KIF13B: variants seen among roughly 807,000 people sequenced by gnomAD.
KIF13B encodes the protein kinesin-like protein KIF13B.
A neutral mutation model predicts 222.0 loss-of-function variants in KIF13B; 127 were observed. The observed-to-expected ratio is 0.57, with a 90% confidence interval of 0.50 to 0.66. KIF13B has a LOEUF of 0.66. Among genes scored for constraint, KIF13B ranks in the 30% least tolerant of loss-of-function variants. The pLI is 0.00. For missense variants in KIF13B, 2,173 were observed against 2,379.0 expected (o/e 0.91, Z 1.80); for synonymous variants, 976 against 919.0 (o/e 1.06, Z -1.12).
intron 3 of KIF13B, among the ~76,000 whole-genome samples, chr8:29,191,845 G>C (rs1243054134): frequency 2.0e-5 from 3 of 152,180 alleles, no homozygotes; most frequent in Non-Finnish European, 4.4e-5. Flanking sequence ...CTGTCAGTTT[G>C]AAATCTACTT....
chr8:29,116,991 G>C lies in KIF13B; in HGVS notation c.3677C>G (p.Ser1226Cys). ...QHDGEVKAEA[S>C]WDSAVHGCPQ... ...GCAGCCATGCACCGCGGAGTCCCAG[G>C]AGGCTTCTGCTTTCACCTGGAGAGA... Residue 1226 changes from serine (S) to cysteine (C), a missense_variant, in exon 31 of 40, where the codon TCC (serine) becomes TGC (cysteine). Coordinates refer to ENST00000524189, the MANE Select transcript of KIF13B (RefSeq NM_015254.4). The C allele has an allele frequency of 6.3e-7, 1 of 1,586,856 alleles. No homozygotes were observed. The highest frequency in any genetic ancestry group is 8.6e-7 in the Non-Finnish European group (1 of 1,161,550).
At position 29,182,018 on chromosome 8, in the gene KIF13B, A is replaced by T. The variant is rs1432335551; in HGVS notation, c.498-12T>A. On this transcript the variant is annotated splice_polypyrimidine_tract_variant and intron_variant, in intron 6 of 39. Coordinates refer to ENST00000524189, the MANE Select transcript of KIF13B (RefSeq NM_015254.4). The stretch of plus-strand genomic sequence containing the variant: ...ACGTCTGACGGCTTCTGTTCATGAA[A>T]AACAAAGAAATGATTTTTTAACAAT... 1 of 1,606,612 alleles carries T rather than the reference A, an allele frequency of 6.2e-7. No homozygotes were observed. Among genetic ancestry groups the T allele is most frequent in the East Asian group, 2.2e-5 (1 of 44,810 alleles).
chr8:29,258,376 G>A (rs1816562198), intron 1 of KIF13B, among the ~76,000 whole-genome samples: 1 of 152,202 alleles, frequency 6.6e-6, no homozygotes, highest in South Asian at 2.1e-4. Flanking sequence ...ATCTACTGAA[G>A]CTTCCAATCT....
In KIF13B at chr8:29,130,615, T is replaced by C; in HGVS notation, c.2993A>G (p.Gln998Arg). 6.2e-7 allele frequency: 1 copy of C among 1,613,868 alleles called. No homozygotes were observed. The highest frequency in any genetic ancestry group is 8.5e-7 in the Non-Finnish European group (1 of 1,179,756). ...AGGGCAGTATTCACCATTCTCATTC[T>C]GTTCCAAGATTTGAACCCAGAATTC... ...KLEFWVQILEQNENGEYCPVE... is the reference protein window; with the variant it reads ...KLEFWVQILERNENGEYCPVE... Residue 998 changes from glutamine (Q) to arginine (R), a missense_variant, in exon 24 of 40, where the codon CAG (glutamine) becomes CGG (arginine). Physicochemically the swap from Gln to Arg is conservative, Grantham distance 43. Around this residue, in one of 2 missense-constraint regions of KIF13B, gnomAD observed 1,480 missense variants for 1,722.8 expected, o/e 0.86. Transcript: ENST00000524189.
Position 29,241,057 on chromosome 8 carries a change from C to T in KIF13B, c.149+4289G>A, listed in dbSNP as rs1397169825. On this transcript the variant is annotated intron_variant, in intron 2 of 39. Transcript: ENST00000524189. ...CAAAAGAGTAGAAACAATCCAAATG[C>T]CCATCAACTGATGAATGGATAAACA... 2.6e-5 allele frequency among the ~76,000 whole-genome samples: 4 copies of T among 152,224 alleles called. No individual in the cohort carries two copies. The East Asian group carries it at 7.7e-4, about 29-fold the overall frequency.
Position 29,108,350 on chromosome 8 carries a change from A to G in KIF13B, c.4162-158T>C, listed in dbSNP as rs201548439. ...AGGCTGCACACTAGTGGTCTTTGGG[A>G]CATTACAAACATTGAATTGGTTATG... On this transcript the variant is annotated intron_variant, in intron 34 of 39. Transcript: ENST00000524189. Among the ~76,000 whole-genome samples, 13 of 152,368 alleles carry G rather than the reference A, an allele frequency of 8.5e-5. No homozygotes were observed. The East Asian group carries it at 2.5e-3, about 29-fold the overall frequency.
intron 16 of KIF13B, among the ~76,000 whole-genome samples, chr8:29,147,920 G>C (rs553312827): frequency 2.0e-5 from 3 of 152,184 alleles, no homozygotes; most frequent in African/African-American, 7.2e-5. Flanking sequence ...AAATTTGACC[G>C]GGCACAGTGG....
At chr8:29,073,522 C>T (rs569630681) in intron 38 of KIF13B, among the ~76,000 whole-genome samples, 2 of 151,984 alleles carry the variant, frequency 1.3e-5, no homozygotes, top group Admixed American at 6.5e-5. Context: ...TCACAGTGAC[C>T]GAAGAAAAGG....
At chr8:29,119,648 G>T (rs1586804586) in intron 29 of KIF13B, among the ~76,000 whole-genome samples, 1 of 152,196 alleles carries the variant, frequency 6.6e-6, no homozygotes, top group East Asian at 1.9e-4. Context: ...ATGCCTGCCT[G>T]CACCCAAATA....
At chr8:29,087,194 T>C (rs929124156) in intron 37 of KIF13B, among the ~76,000 whole-genome samples, 3 of 152,126 alleles carry the variant, frequency 2.0e-5, no homozygotes, top group Admixed American at 2.0e-4. Flanking sequence ...GGGAGAAGTG[T>C]GGAGTGGAGA....
intron 19 of KIF13B, among the ~76,000 whole-genome samples, chr8:29,141,341 A>T (rs960489153): frequency 4.6e-5 from 7 of 151,842 alleles, no homozygotes; most frequent in Non-Finnish European, 1.5e-5. Flanking sequence ...CTAAAAAAAA[A>T]AAAAGGTGAG....
chr8:29,119,793 GCAAA>G (rs964804674), intron 29 of KIF13B, among the ~76,000 whole-genome samples: 5 of 152,064 alleles, frequency 3.3e-5, no homozygotes, highest in African/African-American at 4.8e-5. Flanking sequence ...ACCCCATCAA[GCAAA>G]CAGACAGTGG....
At chr8:29,245,318 T>C (rs757423867) in intron 2 of KIF13B, 28 bp downstream of exon 2, 65 of 1,478,386 alleles carry the variant, frequency 4.4e-5, no homozygotes, top group Non-Finnish European at 5.8e-5. Context: ...TAAACATCCA[T>C]TGAGCACAGC....
intron 21 of KIF13B, among the ~76,000 whole-genome samples, chr8:29,136,645 T>C (rs900962070): frequency 3.3e-5 from 5 of 151,872 alleles, no homozygotes; most frequent in African/African-American, 9.7e-5. Flanking sequence ...CTTATCAGCT[T>C]GTGTGCTGGC....
rs545205903 is a variant in KIF13B at position 29,198,038 on chromosome 8, C to G, written c.150-1839G>C. 1.7e-3 allele frequency among the ~76,000 whole-genome samples: 261 copies of G among 152,268 alleles called. 2 individuals are homozygous for G. The highest frequency in any genetic ancestry group is 5.9e-3 in the African/African-American group (244 of 41,558). On this transcript the variant is annotated intron_variant, in intron 2 of 39. Transcript: ENST00000524189. Reference sequence around the variant, plus strand: ...CGACCATCTCTTTGTTGCTTTGTCTCCTGAGATTTTCTTCTAAAAGAAATT... The same window carrying G: ...CGACCATCTCTTTGTTGCTTTGTCTGCTGAGATTTTCTTCTAAAAGAAATT...
At chr8:29,111,642 A>T (rs527792769) in intron 32 of KIF13B, among the ~76,000 whole-genome samples, 99 of 152,338 alleles carry the variant, frequency 6.5e-4, no homozygotes, top group African/African-American at 2.3e-3. Context: ...TCGCCTGGAG[A>T]ATAAAAGCAC....
At chr8:29,221,457 C>G (rs1006582605) in intron 2 of KIF13B, among the ~76,000 whole-genome samples, 37 of 148,748 alleles carry the variant, frequency 2.5e-4, no homozygotes, top group African/African-American at 8.7e-4. Context: ...AGAGTGAGAC[C>G]CTGTATTTAA....
intron 12 of KIF13B, among the ~76,000 whole-genome samples, chr8:29,165,151 A>C (rs1319737698): frequency 6.6e-6 from 1 of 152,174 alleles, no homozygotes; most frequent in Non-Finnish European, 1.5e-5. Flanking sequence ...CCCAGCCACC[A>C]CCCTACGATT....
chr8:29,097,618 T>G (rs1351047642), intron 36 of KIF13B, among the ~76,000 whole-genome samples: 1 of 152,154 alleles, frequency 6.6e-6, no homozygotes, highest in Non-Finnish European at 1.5e-5. Flanking sequence ...TGCTAGTTGA[T>G]AAGTCATGGA....
Sources: gnomAD v4.1 joint callset for allele counts (sites outside exome capture counted in the v4.1 genomes callset) on GRCh38, gnomAD v4.1.1 for gene constraint, gnomAD v4.1.1 regional missense constraint, MANE v1.5 for transcripts, NCBI Gene and HGNC (gene_info 2026-07-23, HGNC 2026-07-21) for gene names.